ADA2: variants seen among roughly 807,000 people sequenced by gnomAD.
The protein encoded by ADA2 is adenosine deaminase 2.
In ADA2, 29 loss-of-function variants were observed where a neutral mutation model predicts 44.2. The observed-to-expected ratio is 0.66, with a 90% CI of 0.49 to 0.89. ADA2 has a LOEUF of 0.89. Among genes scored for constraint, ADA2 ranks in the 40% least tolerant of loss-of-function variants. ADA2 has a pLI of 0.00. For synonymous variants in ADA2, 215 were observed against 234.9 expected (o/e 0.92, Z 0.77); for missense variants, 637 against 644.8 (o/e 0.99, Z 0.13).
intron 2 of ADA2, 26 bp downstream of exon 2, chr22:17,209,330 C>T: frequency 1.9e-6 from 3 of 1,597,468 alleles, no homozygotes; most frequent in Non-Finnish European, 2.6e-6. Flanking sequence ...TCCCAGCACC[C>T]CAAGCCACCC....
intron 7 of ADA2, 147 bp from the exon 8 acceptor site, chr22:17,182,908 A>G: frequency 2.9e-6 from 2 of 696,216 alleles, no homozygotes; most frequent in Non-Finnish European, 4.9e-6. Context: ...ACATTAACAC[A>G]AATACACACA....
intron 1 of ADA2, among the ~76,000 whole-genome samples, chr22:17,217,133 TAAAGA>T (rs917530895): frequency 5.3e-5 from 8 of 151,394 alleles, no homozygotes; most frequent in African/African-American, 1.9e-4. Context: ...AAAATGAAGT[TAAAGA>T]AAATATTTTT....
At chr22:17,212,316 C>T (rs1246927103) in intron 1 of ADA2, among the ~76,000 whole-genome samples, 2 of 152,016 alleles carry the variant, frequency 1.3e-5, no homozygotes, top group Non-Finnish European at 2.9e-5. Context: ...CATGAGCCAC[C>T]GTGCCCAGCC....
At chr22:17,210,439 C>G (rs1180105655) in intron 1 of ADA2, among the ~76,000 whole-genome samples, 3 of 152,076 alleles carry the variant, frequency 2.0e-5, no homozygotes, top group Non-Finnish European at 4.4e-5. Context: ...ATCCGCCAGC[C>G]TCAGTCTCCC....
chr22:17,203,730 TCACCTCCGGGTGCTGGGTCACCAG>T lies in ADA2; in HGVS notation c.562_585del (p.Leu188_Val195del). On this transcript the variant is annotated inframe_deletion, in exon 4 of 10. Coordinates refer to ENST00000399837, the MANE Select transcript of ADA2 (RefSeq NM_001282225.2). ...CAGACAACATTTTGGTTTGTGTAAA[TCACCTCCGGGTGCTGGGTCACCAG>T]AGTGAAATTCCTCAGCAAGCTGTCC... 1 of 1,614,134 alleles carries T rather than the reference TCACCTCCGGGTGCTGGGTCACCAG, an allele frequency of 6.2e-7. No individual in the cohort carries two copies.
intron 8 of ADA2, 31 bp from the exon 9 acceptor site, chr22:17,182,053 A>T (rs1478040075): frequency 1.3e-6 from 2 of 1,557,054 alleles, no homozygotes; most frequent in Non-Finnish European, 1.8e-6. Context: ...GAGAAAGATG[A>T]ACTCTGATCC....
upstream of ADA2, chr22:17,219,690 T>TG: frequency 7.0e-6 from 1 of 142,940 alleles, no homozygotes; most frequent in African/African-American, 2.6e-5. Flanking sequence ...TTTTTTTTTT[T>TG]GTAGACAGAG....
At chr22:17,201,454 C>T (rs564508582) in intron 4 of ADA2, among the ~76,000 whole-genome samples, 1 of 152,252 alleles carries the variant, frequency 6.6e-6, no homozygotes, top group Non-Finnish European at 1.5e-5. Context: ...GTGGGCCTTT[C>T]CACAAGCTTA....
intron 4 of ADA2, among the ~76,000 whole-genome samples, chr22:17,201,967 CTTTTTT>C (rs71200247): frequency 7.8e-5 from 8 of 103,106 alleles, no homozygotes; most frequent in African/African-American, 1.1e-4. Context: ...TTTCTTTTTT[CTTTTTT>C]TTTTTTTTTT....
At chr22:17,203,143 G>T (rs981103871) in intron 4 of ADA2, among the ~76,000 whole-genome samples, 5 of 152,110 alleles carry the variant, frequency 3.3e-5, no homozygotes, top group African/African-American at 1.2e-4. Context: ...CTGCTCAAAG[G>T]TGACCTTGTA....
Position 17,180,631 on chromosome 22 carries a change from TTAAAG to T in ADA2, c.*847_*851del, listed in dbSNP as rs1329775978. ...CATAGCAAGACACTCTTTAGAAAAA[TTAAAG>T]TAGAGAAAAAGAAAGGTTTAAAGGG... On this transcript the variant is annotated 3_prime_UTR_variant, in exon 10 of 10. Transcript: ENST00000399837. 1 of 150,716 alleles carries T rather than the reference TTAAAG, an allele frequency of 6.6e-6. No homozygotes were observed. The highest frequency in any genetic ancestry group is 1.5e-5 in the Non-Finnish European group (1 of 67,646). The allele number at this position is 150,716 out of a possible 1,614,324, so 9.3% of individuals were successfully genotyped here. A position where few individuals can be genotyped will look rare whatever the true frequency, so the allele number is the denominator to read the frequency against.
At position 17,191,677 on chromosome 22, in the gene ADA2, T is replaced by C. The variant is rs759682181; in HGVS notation, c.881+6A>G. 6.2e-7 allele frequency: 1 copy of C among 1,611,654 alleles called. No individual in the cohort carries two copies. Among genetic ancestry groups the C allele is most frequent in the African/African-American group, 1.3e-5 (1 of 74,910 alleles). ...ACCCGAGCTTTTCAGCAATATTCTC[T>C]CTCACCTGTGATCCGAATAAATGAT... On this transcript the variant is annotated splice_donor_region_variant and intron_variant, in intron 5 of 9. Coordinates refer to ENST00000399837, the MANE Select transcript of ADA2 (RefSeq NM_001282225.2).
At chr22:17,218,408 C>T (rs576390481) in intron 1 of ADA2, among the ~76,000 whole-genome samples, 15 of 152,162 alleles carry the variant, frequency 9.9e-5, no homozygotes, top group East Asian at 5.8e-4. Context: ...GAGTGCTGGA[C>T]GTCAGCAGAA....
Position 17,209,737 on chromosome 22 carries a change from T to C in ADA2, c.-46-14A>G. ...GACTCCACGGGACTGCAAAGGAGAG[T>C]GGGGGAGTGAAAACCTACAGATTTA... On this transcript the variant is annotated splice_polypyrimidine_tract_variant and intron_variant, in intron 1 of 9. Transcript: ENST00000399837. 1.5e-6 allele frequency: 2 copies of C among 1,374,602 alleles called. No homozygotes were observed. The highest frequency in any genetic ancestry group is 2.3e-5 in the East Asian group (1 of 42,886). 85.2% of individuals were successfully genotyped at this position (1,374,602 alleles called of 1,614,324 possible).
At chr22:17,216,415 T>G (rs2062472242) in intron 1 of ADA2, among the ~76,000 whole-genome samples, 1 of 151,588 alleles carries the variant, frequency 6.6e-6, no homozygotes, top group South Asian at 2.1e-4. Context: ...AGAAATAAGT[T>G]CTAATGTTTC....
intron 1 of ADA2, among the ~76,000 whole-genome samples, chr22:17,211,871 T>C (rs2062422107): frequency 6.6e-6 from 1 of 151,736 alleles, no homozygotes; most frequent in South Asian, 2.1e-4. Flanking sequence ...GAGGTTGCAG[T>C]GAGCCAAGAT....
intron 1 of ADA2, chr22:17,213,582 C>T (rs1487614213): frequency 1.0e-5 from 3 of 294,912 alleles, no homozygotes; most frequent in South Asian, 3.1e-5. Context: ...AGTGACCAAG[C>T]GGAAGAAGAA....
intron 4 of ADA2, chr22:17,193,357 GCA>G (rs377226753): frequency 0.3 from 14,304 of 47,094 alleles, 1,969 homozygotes; most frequent in Non-Finnish European, 0.35. Flanking sequence ...CGTAAAAACT[GCA>G]AAAAAAAAAA....
At chr22:17,213,067 G>A (rs190966822) in intron 1 of ADA2, among the ~76,000 whole-genome samples, 5 of 151,844 alleles carry the variant, frequency 3.3e-5, no homozygotes, top group Non-Finnish European at 5.9e-5. Flanking sequence ...TGGGATTATA[G>A]ATCTGAGCCA....
Sources: gnomAD v4.1 joint callset for allele counts (sites outside exome capture counted in the v4.1 genomes callset) on GRCh38, gnomAD v4.1.1 for gene constraint, MANE v1.5 for transcripts, NCBI Gene and HGNC (gene_info 2026-07-23, HGNC 2026-07-21) for gene names.